TBCK: variants seen among roughly 807,000 people sequenced by gnomAD.
The protein encoded by TBCK is TBC domain-containing protein kinase-like protein.
TBCK carries 99 observed loss-of-function variants against 113.4 expected under a neutral mutation model. That is an observed-to-expected ratio of 0.87 (90% CI 0.74 to 1.03). TBCK has a LOEUF of 1.03. TBCK is among the 50% of genes least tolerant of loss of function. The pLI, the probability that TBCK is intolerant of heterozygous loss-of-function variation, is 0.00. For missense variants in TBCK, 1,045 were observed against 1,061.3 expected, an observed-to-expected ratio of 0.98 and a Z score of 0.21; for synonymous variants, 369 against 370.8, an observed-to-expected ratio of 1.00 and a Z score of 0.05.
intron 23 of TBCK, among the ~76,000 whole-genome samples, chr4:106,150,128 G>A (rs1291957406): frequency 6.6e-6 from 1 of 152,200 alleles, no homozygotes; most frequent in Admixed American, 6.5e-5. Flanking sequence ...AAAATAAAAA[G>A]AGAGGCTTAG....
intron 25 of TBCK, among the ~76,000 whole-genome samples, chr4:106,091,539 G>A (rs569506999): frequency 4.6e-5 from 7 of 152,230 alleles, no homozygotes; most frequent in African/African-American, 1.2e-4. Flanking sequence ...CTTCTGGTGG[G>A]TTCGTGGTCT....
intron 23 of TBCK, among the ~76,000 whole-genome samples, chr4:106,140,465 A>C (rs1338211257): frequency 1.4e-5 from 2 of 139,538 alleles, no homozygotes; most frequent in Non-Finnish European, 3.2e-5. Flanking sequence ...TGCTACAAAT[A>C]AAAAAAACTA....
chr4:106,237,770 A>G (rs1423817884), intron 12 of TBCK, among the ~76,000 whole-genome samples: 1 of 152,150 alleles, frequency 6.6e-6, no homozygotes, highest in Non-Finnish European at 1.5e-5. Flanking sequence ...TATATCTTTC[A>G]TATATTAAAA....
intron 19 of TBCK, among the ~76,000 whole-genome samples, chr4:106,218,057 T>C (rs986764161): frequency 2.1e-5 from 3 of 144,600 alleles, no homozygotes; most frequent in African/African-American, 7.9e-5. Flanking sequence ...CCCTCAGAAA[T>C]AACGCCGCAT....
intron 23 of TBCK, among the ~76,000 whole-genome samples, chr4:106,121,931 T>C (rs1466844066): frequency 4.6e-5 from 7 of 152,000 alleles, no homozygotes; most frequent in Non-Finnish European, 8.8e-5. Context: ...AGGAAAGATC[T>C]AAAATTCACA....
At chr4:106,094,359 T>C (rs1740672741) in intron 25 of TBCK, among the ~76,000 whole-genome samples, 1 of 152,188 alleles carries the variant, frequency 6.6e-6, no homozygotes, top group African/African-American at 2.4e-5. Context: ...ATTCAAGAAG[T>C]GTTTTTTGCC....
intron 23 of TBCK, among the ~76,000 whole-genome samples, chr4:106,120,178 C>A (rs1301510923): frequency 1.3e-5 from 2 of 152,308 alleles, no homozygotes; most frequent in East Asian, 3.9e-4. Flanking sequence ...CAGGGAGTTC[C>A]CTTTCCGAGT....
intron 20 of TBCK, among the ~76,000 whole-genome samples, chr4:106,200,785 T>G (rs181387346): frequency 4.6e-5 from 7 of 152,132 alleles, no homozygotes; most frequent in Admixed American, 3.9e-4. Flanking sequence ...AAATATTTGT[T>G]GAAAGGATCA....
chr4:106,051,136 A>G (rs1283951206), intron 25 of TBCK, among the ~76,000 whole-genome samples: 1 of 151,938 alleles, frequency 6.6e-6, no homozygotes, highest in African/African-American at 2.4e-5. Context: ...ACTAAGGCCA[A>G]AAAATTAAAA....
intron 24 of TBCK, among the ~76,000 whole-genome samples, chr4:106,108,308 G>C (rs533109280): frequency 6.6e-6 from 1 of 150,428 alleles, no homozygotes; most frequent in Non-Finnish European, 1.5e-5. Flanking sequence ...CAGTAAAAAA[G>C]GAAAACTTCA....
chr4:106,050,994 T>C (rs1734744047), intron 25 of TBCK, among the ~76,000 whole-genome samples: 1 of 151,978 alleles, frequency 6.6e-6, no homozygotes, highest in Non-Finnish European at 1.5e-5. Flanking sequence ...TATCTTGTTT[T>C]CTCTCTTTAT....
intron 20 of TBCK, among the ~76,000 whole-genome samples, chr4:106,209,161 G>T (rs1755849683): frequency 6.6e-6 from 1 of 152,162 alleles, no homozygotes; most frequent in Non-Finnish European, 1.5e-5. Flanking sequence ...CACTACAATT[G>T]CAGAACTTTT....
intron 2 of TBCK, among the ~76,000 whole-genome samples, chr4:106,299,166 AC>A (rs1276604540): frequency 6.6e-6 from 1 of 152,202 alleles, no homozygotes; most frequent in African/African-American, 2.4e-5. Flanking sequence ...GTCACCTACA[AC>A]ATATAGGCAT....
chr4:106,059,009 T>C (rs936323016), intron 25 of TBCK, among the ~76,000 whole-genome samples: 4 of 151,740 alleles, frequency 2.6e-5, no homozygotes, highest in African/African-American at 9.7e-5. Flanking sequence ...CTTTTTCATA[T>C]AATTTCTTGC....
chr4:106,134,109 A>G (rs1746286527), intron 23 of TBCK, among the ~76,000 whole-genome samples: 1 of 152,156 alleles, frequency 6.6e-6, no homozygotes, highest in Non-Finnish European at 1.5e-5. Flanking sequence ...TAGGTACTAA[A>G]TAGTTTGTTT....
At chr4:106,224,936 A>C (rs1157486221) in intron 19 of TBCK, among the ~76,000 whole-genome samples, 1 of 151,822 alleles carries the variant, frequency 6.6e-6, no homozygotes, top group Non-Finnish European at 1.5e-5. Flanking sequence ...GAAAATTGAA[A>C]CCCCCTAAAC....
intron 22 of TBCK, 57 bp downstream of exon 22, chr4:106,193,552 G>A: frequency 6.3e-7 from 1 of 1,588,218 alleles, no homozygotes; most frequent in African/African-American, 1.3e-5. Flanking sequence ...GCTTAAGAAT[G>A]TGTCATTATT....
chr4:106,265,010 A>T (rs886277920), intron 3 of TBCK, among the ~76,000 whole-genome samples: 1 of 151,756 alleles, frequency 6.6e-6, no homozygotes, highest in African/African-American at 2.4e-5. Flanking sequence ...AGTTTTGAGG[A>T]TTATTTTTAC....
At chr4:106,246,186 G>A (rs975072030) in intron 10 of TBCK, among the ~76,000 whole-genome samples, 1 of 152,024 alleles carries the variant, frequency 6.6e-6, no homozygotes, top group African/African-American at 2.4e-5. Flanking sequence ...TATTCATATT[G>A]ACCTTCATTT....
Sources: gnomAD v4.1 joint callset for allele counts (sites outside exome capture counted in the v4.1 genomes callset) on GRCh38, gnomAD v4.1.1 for gene constraint, MANE v1.5 for transcripts, NCBI Gene and HGNC (gene_info 2026-07-23, HGNC 2026-07-21) for gene names.